The following UBXN2A variants were observed in gnomAD, a reference collection of about 807,000 sequenced individuals.
The protein encoded by UBXN2A is UBX domain protein 2A.
Under a neutral mutation model 28.4 loss-of-function variants are expected in UBXN2A, and 28 were observed. That is an observed-to-expected ratio of 0.99 (90% CI 0.73 to 1.35). UBXN2A has a LOEUF of 1.35. UBXN2A is among the 40% of genes most tolerant of loss of function. UBXN2A has a pLI of 0.00. For synonymous variants in UBXN2A, 97 were observed against 103.6 expected, an observed-to-expected ratio of 0.94 and a Z score of 0.39; for missense variants, 253 against 297.9, an observed-to-expected ratio of 0.85 and a Z score of 1.11.
chr2:23,992,835 A>G lies in UBXN2A; in HGVS notation c.585-6837A>G, dbSNP rs114628583. Among the ~76,000 whole-genome samples the G allele has an allele frequency of 6.4e-3, 970 of 152,246 alleles. 3 individuals carry two copies. The highest frequency in any genetic ancestry group is 9.6e-3 in the Non-Finnish European group (654 of 68,016). The stretch of plus-strand genomic sequence containing the variant: ...ATTTTTCTACTTACTTTTAATTTCA[A>G]CGTATCTGTATATATTTATCTGTGT... On this transcript the variant is annotated intron_variant, in intron 6 of 6. Coordinates refer to ENST00000309033, the MANE Select transcript of UBXN2A (RefSeq NM_181713.4).
intron 6 of UBXN2A, among the ~76,000 whole-genome samples, chr2:23,998,447 C>T (rs56205282): frequency 0.1 from 15,708 of 152,008 alleles, 936 homozygotes; most frequent in Middle Eastern, 0.17. Flanking sequence ...TGGCTGGGCA[C>T]GGTGGCTCAC....
At chr2:23,951,439 T>TAG (rs1558840565) in intron 1 of UBXN2A, among the ~76,000 whole-genome samples, 1 of 56,220 alleles carries the variant, frequency 1.8e-5, no homozygotes, top group African/African-American at 5.1e-5. Flanking sequence ...TATATATATA[T>TAG]ATATATATAT....
chr2:23,975,390 T>G (rs1707613203), intron 3 of UBXN2A, among the ~76,000 whole-genome samples: 1 of 152,120 alleles, frequency 6.6e-6, no homozygotes, highest in African/African-American at 2.4e-5. Flanking sequence ...CATAACTGTA[T>G]GAGGTTTGGT....
At chr2:23,999,531 A>T in intron 6 of UBXN2A, 141 bp from the exon 7 acceptor site, 1 of 887,420 alleles carries the variant, frequency 1.1e-6, no homozygotes, top group Non-Finnish European at 1.7e-6. Context: ...TGATGGCACC[A>T]CTGCACTGCA....
At chr2:23,976,415 A>C (rs2150879578) in intron 3 of UBXN2A, among the ~76,000 whole-genome samples, 1 of 152,268 alleles carries the variant, frequency 6.6e-6, no homozygotes, top group South Asian at 2.1e-4. Flanking sequence ...AATGTTTATG[A>C]AGCCAGTTGT....
intron 2 of UBXN2A, among the ~76,000 whole-genome samples, chr2:23,962,627 C>T (rs1471275379): frequency 2.6e-5 from 3 of 114,690 alleles, no homozygotes; most frequent in Non-Finnish European, 3.6e-5. Flanking sequence ...TTTTTTGAGA[C>T]GGAGTTTCGC....
intron 6 of UBXN2A, among the ~76,000 whole-genome samples, chr2:23,992,012 G>A (rs777920385): frequency 2.0e-5 from 3 of 151,740 alleles, no homozygotes; most frequent in Admixed American, 6.6e-5. Flanking sequence ...TTGCTCTGTC[G>A]CCAGGCTGGA....
At chr2:23,938,673 C>CTATACAGCTACTATACAGCTG (rs374269393), upstream of UBXN2A, among the ~76,000 whole-genome samples, 93 of 151,258 alleles carry the variant, frequency 6.1e-4, no homozygotes, top group African/African-American at 2.0e-3. Context: ...TTCCTGATTT[C>CTATACAGCTACTATACAGCTG]TATACAGCTA....
At chr2:23,953,462 C>A (rs772210673) in intron 1 of UBXN2A, among the ~76,000 whole-genome samples, 4 of 152,146 alleles carry the variant, frequency 2.6e-5, no homozygotes, top group Non-Finnish European at 5.9e-5. Context: ...GTATCTAAAG[C>A]AGTGACTTAA....
At chr2:23,995,753 G>A (rs1011021735) in intron 6 of UBXN2A, among the ~76,000 whole-genome samples, 1 of 151,356 alleles carries the variant, frequency 6.6e-6, no homozygotes, top group African/African-American at 2.4e-5. Flanking sequence ...TGAACCCATT[G>A]TAAAGTTGAA....
At chr2:23,953,286 A>G (rs905205561) in intron 1 of UBXN2A, among the ~76,000 whole-genome samples, 3 of 152,184 alleles carry the variant, frequency 2.0e-5, no homozygotes, top group African/African-American at 7.2e-5. Context: ...TCAAGTGTGT[A>G]TAAAAATGGA....
intron 1 of UBXN2A, among the ~76,000 whole-genome samples, chr2:23,955,084 C>T (rs556274529): frequency 1.1e-4 from 16 of 152,066 alleles, no homozygotes; most frequent in African/African-American, 3.4e-4. Flanking sequence ...AGGCATGCAC[C>T]GCCACGCCCA....
At chr2:23,955,472 T>A (rs1366355157) in intron 1 of UBXN2A, among the ~76,000 whole-genome samples, 1 of 152,076 alleles carries the variant, frequency 6.6e-6, no homozygotes, top group Non-Finnish European at 1.5e-5. Context: ...CAATAAGGAG[T>A]TTAAACATTT....
intron 1 of UBXN2A, among the ~76,000 whole-genome samples, chr2:23,953,215 A>G (rs1231790625): frequency 6.6e-6 from 1 of 152,068 alleles, no homozygotes; most frequent in African/African-American, 2.4e-5. Context: ...GCGGTATAGC[A>G]CTCTAGGTGT....
chr2:23,928,976 A>G (rs1274138405), intron 1 of UBXN2A, among the ~76,000 whole-genome samples: 2 of 152,168 alleles, frequency 1.3e-5, no homozygotes, highest in Non-Finnish European at 1.5e-5. Flanking sequence ...AGCATAAACA[A>G]GTATCAATTC....
At chr2:23,999,596 T>G in intron 6 of UBXN2A, 76 bp from the exon 7 acceptor site, 1 of 1,442,638 alleles carries the variant, frequency 6.9e-7, no homozygotes, top group South Asian at 1.3e-5. Flanking sequence ...CAGATACTTT[T>G]ACCAGTTGTT....
At chr2:23,977,429 T>C (rs986832509) in intron 4 of UBXN2A, 4 of 169,526 alleles carry the variant, frequency 2.4e-5, no homozygotes, top group Non-Finnish European at 1.3e-5. Flanking sequence ...TCACCTGAGG[T>C]TGGGAGTTCG....
intron 3 of UBXN2A, among the ~76,000 whole-genome samples, chr2:23,976,497 G>A (rs1480931565): frequency 6.6e-6 from 1 of 152,146 alleles, no homozygotes; most frequent in Non-Finnish European, 1.5e-5. Flanking sequence ...ATTTGACTTA[G>A]TTCCACATGG....
chr2:23,957,124 A>C (rs1036853964), intron 1 of UBXN2A, among the ~76,000 whole-genome samples: 3 of 151,508 alleles, frequency 2.0e-5, no homozygotes, highest in African/African-American at 7.3e-5. Flanking sequence ...TTTTTCCTTG[A>C]ATATTTTTGA....
Sources: allele counts gnomAD v4.1 joint callset (sites outside exome capture counted in the v4.1 genomes callset), GRCh38; gene constraint gnomAD v4.1.1; transcripts MANE v1.5; gene names NCBI Gene and HGNC (gene_info 2026-07-23, HGNC 2026-07-21).